Variants in SLC6A16 observed in about 807,000 individuals in gnomAD.
The protein encoded by SLC6A16 is solute carrier family 6 member 16, also known as orphan sodium- and chloride-dependent neurotransmitter transporter NTT5.
Under a neutral mutation model 65.4 loss-of-function variants are expected in SLC6A16, and 54 were observed. The ratio of observed to expected loss-of-function variants is 0.83; its 90% CI spans 0.66 to 1.04. SLC6A16 has a LOEUF of 1.04. Ranked by LOEUF, SLC6A16 falls within the 50% of genes least tolerant of loss-of-function variation. The pLI, the probability that SLC6A16 is intolerant of heterozygous loss-of-function variation, is 0.00. For missense variants in SLC6A16, 816 were observed against 914.0 expected, an observed-to-expected ratio of 0.89 and a Z score of 1.38; for synonymous variants, 330 against 346.5, an observed-to-expected ratio of 0.95 and a Z score of 0.53.
intron 1 of SLC6A16, among the ~76,000 whole-genome samples, chr19:49,321,033 C>G (rs10422677): frequency 6.6e-6 from 1 of 151,868 alleles, no homozygotes; most frequent in Non-Finnish European, 1.5e-5. Flanking sequence ...TGCCCTAATA[C>G]CAGAGCCATA....
chr19:49,305,288 C>T (rs1230732997), intron 7 of SLC6A16, among the ~76,000 whole-genome samples: 1 of 152,090 alleles, frequency 6.6e-6, no homozygotes, highest in Non-Finnish European at 1.5e-5. Context: ...CCAGCCACCA[C>T]CACTTAAAGA....
the SLC6A16 span, among the ~76,000 whole-genome samples, chr19:49,333,417 C>G: frequency 0.78 from 118,261 of 152,130 alleles, 46,599 homozygotes; most frequent in African/African-American, 0.91. Flanking sequence ...AGGTTGCAGT[C>G]AGCTGATTGC....
At chr19:49,339,410 C>T in the SLC6A16 span, 4 of 1,613,512 alleles carry the variant, frequency 2.5e-6, no homozygotes, top group Non-Finnish European at 3.4e-6. This position sits in a 1 kb window ranked among gnomAD's most constrained non-coding sequence, Gnocchi z 4.5. Context: ...TCGGCCTACT[C>T]GAGGTGATCT....
intron 7 of SLC6A16, among the ~76,000 whole-genome samples, chr19:49,302,545 T>C (rs1035630849): frequency 2.6e-5 from 4 of 152,210 alleles, no homozygotes; most frequent in Non-Finnish European, 4.4e-5. Context: ...TAATGCTTCT[T>C]CAAATGCTTT....
In SLC6A16 at chr19:49,311,063, T is replaced by C. The variant is rs764807703; in HGVS notation, c.285A>G (p.Lys95=). The change falls in exon 2 of 12, where the codon AAA becomes AAG. Residue 95 remains lysine (K), a synonymous_variant. Coordinates refer to ENST00000335875, the MANE Select transcript of SLC6A16 (RefSeq NM_014037.3). Reference sequence around the variant, plus strand: ...GACGGGCAAGGAGGACCTCACTCTCTTTCTTCTCTGTCATCTGCACCTTCT... The same window carrying C: ...GACGGGCAAGGAGGACCTCACTCTCCTTCTTCTCTGTCATCTGCACCTTCT... ...THEKVQMTEK[K]ESEVLLARPF... is the part of the protein sequence containing the mutation. The C allele has an allele frequency of 6.2e-7, 1 of 1,614,188 alleles. No individual in the cohort carries two copies. Among genetic ancestry groups the C allele is most frequent in the Admixed American group, 1.7e-5 (1 of 60,012 alleles).
At chr19:49,317,706 T>TC (rs1970637884) in intron 1 of SLC6A16, among the ~76,000 whole-genome samples, 1 of 151,812 alleles carries the variant, frequency 6.6e-6, no homozygotes, top group South Asian at 2.1e-4. Context: ...CTCGGGAGGC[T>TC]GTGGCAGGAG....
intron 1 of SLC6A16, among the ~76,000 whole-genome samples, chr19:49,319,890 G>T (rs972019736): frequency 3.3e-5 from 5 of 152,116 alleles, no homozygotes; most frequent in South Asian, 2.1e-4. Flanking sequence ...GCCACAATAG[G>T]ATGAAGTTAG....
intron 1 of SLC6A16, among the ~76,000 whole-genome samples, chr19:49,321,630 G>A (rs1462580274): frequency 6.6e-6 from 1 of 152,130 alleles, no homozygotes; most frequent in Admixed American, 6.6e-5. Context: ...CAGCTACTTG[G>A]GAGGCTAAGG....
chr19:49,301,270 G>A (rs898115316), intron 7 of SLC6A16, among the ~76,000 whole-genome samples: 4 of 152,152 alleles, frequency 2.6e-5, no homozygotes, highest in Admixed American at 1.3e-4. Context: ...CAGGGATAAT[G>A]AGAGCAGGCT....
rs370170291 is a variant in SLC6A16, at chr19:49,309,642, G to A, written c.876+9C>T. Reference sequence around the variant, plus strand: ...GAGAATTTCAAGGAATCCAATACTGGTGGCTCACCTTCCCAGTGGACTTGA... The same window carrying A: ...GAGAATTTCAAGGAATCCAATACTGATGGCTCACCTTCCCAGTGGACTTGA... On this transcript the variant is annotated intron_variant, in intron 5 of 11. Transcript: ENST00000335875. 8.7e-6 allele frequency: 14 copies of A among 1,610,000 alleles called. No individual in the cohort carries two copies. Among genetic ancestry groups the A allele is most frequent in the Middle Eastern group, 1.6e-4 (1 of 6,072 alleles).
chr19:49,301,823 C>T (rs1157717349), intron 7 of SLC6A16, among the ~76,000 whole-genome samples: 5 of 152,208 alleles, frequency 3.3e-5, no homozygotes, highest in Non-Finnish European at 7.3e-5. Flanking sequence ...AGCCAATACC[C>T]CTCCTCTATG....
intron 1 of SLC6A16, among the ~76,000 whole-genome samples, chr19:49,313,595 C>G (rs911496348): frequency 2.4e-5 from 3 of 123,822 alleles, no homozygotes; most frequent in Middle Eastern, 5.2e-3. Context: ...GCCTGGCCAA[C>G]ATGGCAAAAC....
At chr19:49,339,723 C>T in the SLC6A16 span, 1 of 1,400,288 alleles carries the variant, frequency 7.1e-7, no homozygotes, top group Non-Finnish European at 9.2e-7. The surrounding 1 kb of genome is among the most constrained non-coding windows in gnomAD (Gnocchi z 4.5). Context: ...GCGAGCCGCA[C>T]GTGCCGGGCG....
At chr19:49,338,753 G>C in the SLC6A16 span, 40 of 1,613,354 alleles carry the variant, frequency 2.5e-5, no homozygotes, top group Middle Eastern at 1.6e-4. The surrounding 1 kb of genome is among the most constrained non-coding windows in gnomAD (Gnocchi z 5.0). Flanking sequence ...TCCTCATCCT[G>C]AGAGGTAACG....
At chr19:49,312,529 T>A in intron 1 of SLC6A16, 1 of 983,970 alleles carries the variant, frequency 1.0e-6, no homozygotes, top group Non-Finnish European at 1.2e-6. Flanking sequence ...TCTAGGGCTA[T>A]TCTCCTCCTT....
intron 7 of SLC6A16, among the ~76,000 whole-genome samples, chr19:49,298,852 A>G (rs1178513341): frequency 6.6e-6 from 1 of 152,236 alleles, no homozygotes; most frequent in Non-Finnish European, 1.5e-5. Flanking sequence ...TGATACATAT[A>G]TACTGTGGAA....
intron 7 of SLC6A16, among the ~76,000 whole-genome samples, chr19:49,305,055 A>G (rs962583013): frequency 6.6e-6 from 1 of 152,196 alleles, no homozygotes; most frequent in East Asian, 1.9e-4. Context: ...GGTAAAGTCT[A>G]TTTTTCACCT....
the SLC6A16 span, chr19:49,332,082 C>T: frequency 3.5e-5 from 16 of 455,602 alleles, no homozygotes; most frequent in Non-Finnish European, 6.2e-5. Flanking sequence ...AGTCCAAAAT[C>T]AAGGTGTCAC....
intron 1 of SLC6A16, among the ~76,000 whole-genome samples, chr19:49,316,821 A>G (rs550972399): frequency 6.6e-6 from 1 of 151,516 alleles, no homozygotes; most frequent in South Asian, 2.1e-4. Context: ...GGAATTCAAG[A>G]TAAGCCTTGA....
Sources: allele counts gnomAD v4.1 joint callset (sites outside exome capture counted in the v4.1 genomes callset), GRCh38; gene constraint gnomAD v4.1.1; non-coding constraint Gnocchi (gnomAD v3.1); transcripts MANE v1.5; gene names NCBI Gene and HGNC (gene_info 2026-07-23, HGNC 2026-07-21).